PIGK: variants seen among roughly 807,000 people sequenced by gnomAD.
PIGK encodes GPI-anchor transamidase.
Under a neutral mutation model 50.6 loss-of-function variants are expected in PIGK, and 42 were observed. That is an observed-to-expected ratio of 0.83 (90% CI 0.65 to 1.07). The LOEUF is 1.07. Ranked by LOEUF, PIGK falls within the 50% of genes least tolerant of loss-of-function variation. The pLI is 0.00. For synonymous variants in PIGK, 151 were observed against 156.0 expected (o/e 0.97, Z 0.24); for missense variants, 448 against 488.7 (o/e 0.92, Z 0.78).
At chr1:77,151,001 A>G (rs1419418388) in intron 9 of PIGK, among the ~76,000 whole-genome samples, 6 of 152,170 alleles carry the variant, frequency 3.9e-5, no homozygotes, top group Non-Finnish European at 8.8e-5. Flanking sequence ...TGAGGCTAGC[A>G]TTACCCTGAT....
chr1:77,165,425 A>G (rs1655212772), intron 5 of PIGK, among the ~76,000 whole-genome samples: 1 of 152,046 alleles, frequency 6.6e-6, no homozygotes, highest in Non-Finnish European at 1.5e-5. Flanking sequence ...TAAATGCAAC[A>G]CGATAGAGAA....
intron 10 of PIGK, among the ~76,000 whole-genome samples, chr1:77,107,304 G>A (rs1244748359): frequency 2.6e-5 from 4 of 152,122 alleles, no homozygotes; most frequent in African/African-American, 9.7e-5. Flanking sequence ...GTTCTCGTTG[G>A]TTTCGAAGAA....
chr1:77,160,763 T>C (rs1010845473), intron 8 of PIGK, among the ~76,000 whole-genome samples: 1 of 152,278 alleles, frequency 6.6e-6, no homozygotes, highest in East Asian at 1.9e-4. Context: ...AAAATCTAAA[T>C]TAAATTCAAC....
chr1:77,211,025 C>T (rs1656406851), intron 1 of PIGK, among the ~76,000 whole-genome samples: 1 of 151,940 alleles, frequency 6.6e-6, no homozygotes, highest in Non-Finnish European at 1.5e-5. Flanking sequence ...CAACATTTAA[C>T]AAGGCTATTA....
At chr1:77,214,146 C>T (rs1721151) in intron 1 of PIGK, among the ~76,000 whole-genome samples, 26,030 of 152,104 alleles carry the variant, frequency 0.17, 3,780 homozygotes, top group African/African-American at 0.4. Context: ...CCCAAAAAAA[C>T]TGAAGAAGGA....
intron 3 of PIGK, among the ~76,000 whole-genome samples, chr1:77,185,737 G>T (rs2100572141): frequency 6.6e-6 from 1 of 152,002 alleles, no homozygotes; most frequent in Admixed American, 6.6e-5. Context: ...TGGGCCATAT[G>T]ACACAGCAGA....
chr1:77,181,166 T>A (rs74740001), intron 3 of PIGK, among the ~76,000 whole-genome samples: 6,311 of 152,216 alleles, frequency 0.041, 195 homozygotes, highest in Non-Finnish European at 0.054. Context: ...AAAAATAGCC[T>A]AAAATAATAA....
chr1:77,125,663 A>G (rs1344222086), intron 9 of PIGK, among the ~76,000 whole-genome samples: 2 of 152,058 alleles, frequency 1.3e-5, no homozygotes, highest in Non-Finnish European at 2.9e-5. Flanking sequence ...TTTTGTTTTA[A>G]GGTCTAATAC....
At position 77,161,299 on chromosome 1, in the gene PIGK, T is replaced by A; in HGVS notation, c.809A>T (p.Asp270Val). The change falls in exon 8 of 11, where the codon GAC (aspartate) becomes GTC (valine). Residue 270 changes from aspartate (D) to valine (V), a missense_variant. Coordinates refer to ENST00000370812, the MANE Select transcript of PIGK (RefSeq NM_005482.3). ...TCAAATCAAGTGAATACTTACAAGG[T>A]CATTCATATTAGTTTGGCTAGCTGG... is the stretch of plus-strand genomic sequence containing the variant. The part of the protein sequence containing the change: ...INPASQTNMN[D>V]LFQVCPKSLC... 7.0e-7 allele frequency: 1 copy of A among 1,430,584 alleles called. No individual in the cohort carries two copies. Among genetic ancestry groups the A allele is most frequent in the Non-Finnish European group, 9.9e-7 (1 of 1,012,940 alleles). The allele number at this position is 1,430,584 out of a possible 1,614,324, so 88.6% of individuals were successfully genotyped here. A position where few individuals can be genotyped will look rare whatever the true frequency, so the allele number is the denominator to read the frequency against.
At chr1:77,187,189 T>C (rs1655770710) in intron 3 of PIGK, among the ~76,000 whole-genome samples, 1 of 152,210 alleles carries the variant, frequency 6.6e-6, no homozygotes, top group African/African-American at 2.4e-5. Flanking sequence ...AACAGTGGAA[T>C]GGCCTTTTGA....
chr1:77,218,756 T>C (rs1272525191), intron 1 of PIGK, among the ~76,000 whole-genome samples: 2 of 152,154 alleles, frequency 1.3e-5, no homozygotes, highest in African/African-American at 4.8e-5. Flanking sequence ...ACATCCTGTG[T>C]CCACGTTTAA....
chr1:77,185,580 A>G (rs1655721188), intron 3 of PIGK, among the ~76,000 whole-genome samples: 1 of 151,684 alleles, frequency 6.6e-6, no homozygotes, highest in Non-Finnish European at 1.5e-5. Context: ...GCCTAACTGG[A>G]TTTTGGAGGC....
chr1:77,124,238 T>C (rs776221183), intron 9 of PIGK, among the ~76,000 whole-genome samples: 1 of 152,116 alleles, frequency 6.6e-6, no homozygotes, highest in Non-Finnish European at 1.5e-5. Flanking sequence ...TAAATACTCA[T>C]TGACCAAAAA....
intron 4 of PIGK, among the ~76,000 whole-genome samples, chr1:77,168,605 T>C (rs985455033): frequency 1.6e-5 from 2 of 128,160 alleles, no homozygotes; most frequent in Admixed American, 1.6e-4. Context: ...TAGCTTACAG[T>C]CTAGGAGGAG....
intron 10 of PIGK, among the ~76,000 whole-genome samples, chr1:77,102,638 T>C (rs1653575801): frequency 6.6e-6 from 1 of 152,174 alleles, no homozygotes. Context: ...GTGAGACCCC[T>C]GTTGGACAGC....
intron 9 of PIGK, among the ~76,000 whole-genome samples, chr1:77,139,391 G>C (rs138120618): frequency 8.1e-4 from 123 of 152,004 alleles, no homozygotes; most frequent in African/African-American, 2.8e-3. Context: ...TTAGATGAAG[G>C]TGCAGCTGGA....
chr1:77,093,889 CT>C (rs531320010), intron 10 of PIGK, among the ~76,000 whole-genome samples: 27 of 152,084 alleles, frequency 1.8e-4, no homozygotes, highest in Non-Finnish European at 2.8e-4. Context: ...AATGGCAAAG[CT>C]CTTGGAAGTT....
intron 10 of PIGK, among the ~76,000 whole-genome samples, chr1:77,099,456 T>A (rs1312000715): frequency 1.3e-5 from 2 of 152,154 alleles, no homozygotes; most frequent in South Asian, 4.1e-4. Flanking sequence ...AGACTCCACC[T>A]AGAAGAATCT....
rs184298265 is a variant in PIGK at position 77,171,579 on chromosome 1, C to T, written c.240-2184G>A. The stretch of plus-strand genomic sequence containing the variant: ...AATCAGAAAGAAGTACTAACTTCAA[C>T]TTAAAATCATAAATGTAATCAACAT... On this transcript the variant is annotated intron_variant, in intron 3 of 10. Transcript: ENST00000370812. 2.8e-3 allele frequency among the ~76,000 whole-genome samples: 417 copies of T among 151,112 alleles called. 1 individual carries two copies. The highest frequency in any genetic ancestry group is 9.3e-3 in the African/African-American group (384 of 41,262).
Sources: allele counts gnomAD v4.1 joint callset (sites outside exome capture counted in the v4.1 genomes callset), GRCh38; gene constraint gnomAD v4.1.1; transcripts MANE v1.5; gene names NCBI Gene and HGNC (gene_info 2026-07-23, HGNC 2026-07-21).